The following CDK14 variants were observed in gnomAD, a reference collection of about 807,000 sequenced individuals.
CDK14 encodes the protein cyclin-dependent kinase 14.
Under a neutral mutation model 60.7 loss-of-function variants are expected in CDK14, and 34 were observed. The observed-to-expected ratio is 0.56, with a 90% CI of 0.43 to 0.75. CDK14 has a LOEUF of 0.75. Ranked by LOEUF, CDK14 falls within the 30% of genes least tolerant of loss-of-function variation. The pLI is 0.00. For synonymous variants in CDK14, 197 were observed against 203.7 expected (o/e 0.97, Z 0.28); for missense variants, 482 against 564.1 (o/e 0.85, Z 1.47).
intron 1 of CDK14, among the ~76,000 whole-genome samples, chr7:90,603,548 A>G (rs1040026272): frequency 2.6e-5 from 4 of 152,206 alleles, no homozygotes; most frequent in African/African-American, 9.6e-5. Context: ...ACATTTGCAC[A>G]ATGAAATTGC....
intron 6 of CDK14, among the ~76,000 whole-genome samples, chr7:90,879,203 T>G (rs1272867574): frequency 6.6e-6 from 1 of 152,232 alleles, no homozygotes; most frequent in Non-Finnish European, 1.5e-5. Context: ...TGAAGACTTC[T>G]TTTATGATTT....
chr7:90,690,316 A>G (rs929052849), intron 2 of CDK14, among the ~76,000 whole-genome samples: 3 of 152,170 alleles, frequency 2.0e-5, no homozygotes, highest in African/African-American at 7.2e-5. Context: ...CAGGCTGCCT[A>G]TATTTGAATT....
chr7:90,675,964 G>A (rs1386286695), intron 2 of CDK14, among the ~76,000 whole-genome samples: 1 of 152,210 alleles, frequency 6.6e-6, no homozygotes, highest in Non-Finnish European at 1.5e-5. Context: ...TCAAGGTGGA[G>A]TTAGCAAACT....
At chr7:91,152,608 G>A (rs1271290172) in intron 14 of CDK14, among the ~76,000 whole-genome samples, 1 of 152,096 alleles carries the variant, frequency 6.6e-6, no homozygotes, top group Admixed American at 6.6e-5. Flanking sequence ...TCTTTATTGA[G>A]TACTATGTGC....
intron 9 of CDK14, among the ~76,000 whole-genome samples, chr7:90,964,188 T>G (rs570005488): frequency 2.1e-4 from 32 of 152,294 alleles, no homozygotes; most frequent in African/African-American, 6.0e-4. Context: ...AAGGCTGTGT[T>G]TTTTGCAGCC....
rs1044407757 is a variant in CDK14 at position 91,088,233 on chromosome 7, A to G, written c.1154+8753A>G. On this transcript the variant is annotated intron_variant, in intron 12 of 14. Coordinates refer to ENST00000380050, the MANE Select transcript of CDK14 (RefSeq NM_001287135.2). ...TAAAGGCTGGGAGCATGGCCATGCC[A>G]TATCTGTTGTGGTGAGGAAAATGGG... is the stretch of plus-strand genomic sequence containing the variant. Among the ~76,000 whole-genome samples the G allele has an allele frequency of 5.3e-5, 8 of 152,336 alleles. 1 individual carries two copies. In the South Asian group the frequency reaches 8.3e-4, roughly 16 times the overall value.
chr7:90,981,646 G>GTGTT (rs1391784418), intron 9 of CDK14, among the ~76,000 whole-genome samples: 1 of 152,170 alleles, frequency 6.6e-6, no homozygotes, highest in Non-Finnish European at 1.5e-5. Context: ...AAAGACACAA[G>GTGTT]TGTTTGCTTG....
intron 5 of CDK14, among the ~76,000 whole-genome samples, chr7:90,810,507 C>T (rs943120849): frequency 6.6e-6 from 1 of 152,126 alleles, no homozygotes; most frequent in Non-Finnish European, 1.5e-5. Context: ...AAACCCACAG[C>T]CAATACCATA....
intron 9 of CDK14, among the ~76,000 whole-genome samples, chr7:90,982,012 C>G (rs1795241089): frequency 6.6e-6 from 1 of 152,160 alleles, no homozygotes; most frequent in Non-Finnish European, 1.5e-5. Context: ...GCAGAAGTAT[C>G]TAATTGGCTG....
At chr7:90,863,024 T>TTGTTTTTC (rs1791058532) in intron 5 of CDK14, 151 bp from the exon 6 acceptor site, 1 of 504,976 alleles carries the variant, frequency 2.0e-6, no homozygotes, top group Non-Finnish European at 3.5e-6. Context: ...AAAAAAAGTC[T>TTGTTTTTC]TGTTTTTCTA....
At chr7:91,163,325 C>CT (rs1229107620) in intron 14 of CDK14, among the ~76,000 whole-genome samples, 2 of 152,166 alleles carry the variant, frequency 1.3e-5, no homozygotes, top group Non-Finnish European at 2.9e-5. Flanking sequence ...AAGGAAGTGA[C>CT]TAGGTCCTTT....
At chr7:91,153,275 T>A (rs748222706) in intron 14 of CDK14, among the ~76,000 whole-genome samples, 15 of 152,204 alleles carry the variant, frequency 9.9e-5, no homozygotes, top group South Asian at 2.1e-4. Context: ...GAAGGAATGC[T>A]TGTACAGTGT....
At chr7:91,051,779 G>A (rs1471673057) in intron 11 of CDK14, among the ~76,000 whole-genome samples, 1 of 152,162 alleles carries the variant, frequency 6.6e-6, no homozygotes, top group Non-Finnish European at 1.5e-5. Flanking sequence ...CTGGGATAAT[G>A]AGAGGCTCCC....
At chr7:91,169,098 T>G (rs1267870173) in intron 14 of CDK14, among the ~76,000 whole-genome samples, 1 of 152,254 alleles carries the variant, frequency 6.6e-6, no homozygotes, top group Non-Finnish European at 1.5e-5. Flanking sequence ...CAAGAAGAAT[T>G]CAGTGTTCAG....
At chr7:90,744,868 C>A (rs1477424013) in intron 3 of CDK14, among the ~76,000 whole-genome samples, 1 of 150,534 alleles carries the variant, frequency 6.6e-6, no homozygotes, top group Non-Finnish European at 1.5e-5. Flanking sequence ...ACCTCCCTCC[C>A]GGACGGGGCG....
intron 14 of CDK14, among the ~76,000 whole-genome samples, chr7:91,181,162 AAT>A (rs1243455079): frequency 6.6e-6 from 1 of 152,128 alleles, no homozygotes; most frequent in African/African-American, 2.4e-5. Context: ...TTCTGTCAAC[AAT>A]GTTTTTAAAT....
At chr7:91,086,553 C>G (rs28472439) in intron 12 of CDK14, among the ~76,000 whole-genome samples, 2,389 of 152,260 alleles carry the variant, frequency 0.016, 60 homozygotes, top group African/African-American at 0.055. Context: ...CGTAAAGGCT[C>G]AGCTTCCTGT....
intron 2 of CDK14, among the ~76,000 whole-genome samples, chr7:90,664,855 G>C (rs190375242): frequency 6.6e-6 from 1 of 152,036 alleles, no homozygotes; most frequent in African/African-American, 2.4e-5. Flanking sequence ...CGAGTTAATT[G>C]GTGCAGCACA....
At chr7:90,774,401 G>A (rs10253488) in intron 4 of CDK14, among the ~76,000 whole-genome samples, 98,952 of 152,030 alleles carry the variant, frequency 0.65, 32,688 homozygotes, top group East Asian at 0.96. Flanking sequence ...AGTTCATTTT[G>A]AGTGACACCC....
Sources: allele counts gnomAD v4.1 joint callset (sites outside exome capture counted in the v4.1 genomes callset), GRCh38; gene constraint gnomAD v4.1.1; transcripts MANE v1.5; gene names NCBI Gene and HGNC (gene_info 2026-07-23, HGNC 2026-07-21).